Variants in ASTN2 observed in about 807,000 individuals in gnomAD.
The protein encoded by ASTN2 is astrotactin-2.
In ASTN2, 54 loss-of-function variants were observed where a neutral mutation model predicts 139.8. The observed-to-expected ratio is 0.39, with a 90% CI of 0.31 to 0.48. The LOEUF is 0.48. Ranked by LOEUF, ASTN2 falls within the 20% of genes least tolerant of loss-of-function variation. ASTN2 has a pLI of 0.95. For synonymous variants in ASTN2, 756 were observed against 719.5 expected (o/e 1.05, Z -0.81); for missense variants, 1,565 against 1,725.1 (o/e 0.91, Z 1.64).
At chr9:116,877,043 T>A (rs935000010) in intron 10 of ASTN2, among the ~76,000 whole-genome samples, 2 of 152,214 alleles carry the variant, frequency 1.3e-5, no homozygotes, top group Non-Finnish European at 2.9e-5. Flanking sequence ...TTTCTGGTCA[T>A]AAATTGTAAA....
rs538195550 is a variant in ASTN2 at position 117,247,335 on chromosome 9, C to T, written c.631-32593G>A. 4.1e-4 allele frequency among the ~76,000 whole-genome samples: 63 copies of T among 152,290 alleles called. 2 individuals carry two copies. The South Asian group carries it at 0.012, about 28-fold the overall frequency. On this transcript the variant is annotated intron_variant, in intron 2 of 22. Transcript: ENST00000313400. ...AATACCATTTGTCACCCAGGCTGCC[C>T]TCCTGGCAGTAGAACAGAAACCTGT... is the stretch of plus-strand genomic sequence containing the variant.
chr9:117,068,604 T>C (rs2132702772), intron 5 of ASTN2, among the ~76,000 whole-genome samples: 1 of 108,194 alleles, frequency 9.2e-6, no homozygotes, highest in African/African-American at 3.7e-5. Flanking sequence ...TCCTTGTACC[T>C]CTGGTAGAAT....
intron 10 of ASTN2, among the ~76,000 whole-genome samples, chr9:116,952,728 G>C (rs550052475): frequency 6.6e-6 from 1 of 152,188 alleles, no homozygotes. Context: ...CAGGAGCCCA[G>C]GGCCGCTGAT....
intron 1 of ASTN2, among the ~76,000 whole-genome samples, chr9:117,409,172 GAATCTTTCTCTCACACATAA>G (rs1430650175): frequency 4.6e-5 from 7 of 152,008 alleles, no homozygotes; most frequent in Non-Finnish European, 1.0e-4. Flanking sequence ...CTCCATCCCA[GAATCTTTCTCTCACACATAA>G]GAAAAAAAAG....
At chr9:117,066,654 A>G (rs1387877120) in intron 5 of ASTN2, among the ~76,000 whole-genome samples, 1 of 151,762 alleles carries the variant, frequency 6.6e-6, no homozygotes, top group Non-Finnish European at 1.5e-5. Flanking sequence ...AAGTGTTCCT[A>G]TTTCTCCACA....
At chr9:117,188,401 G>T (rs1831262484) in intron 3 of ASTN2, among the ~76,000 whole-genome samples, 1 of 152,192 alleles carries the variant, frequency 6.6e-6, no homozygotes, top group Admixed American at 6.5e-5. Flanking sequence ...ACTGGAAGGT[G>T]TCATGTAGTT....
intron 3 of ASTN2, among the ~76,000 whole-genome samples, chr9:117,208,580 AAAT>A (rs1409479397): frequency 6.6e-6 from 1 of 152,202 alleles, no homozygotes; most frequent in Admixed American, 6.5e-5. Flanking sequence ...ATATTTAATG[AAAT>A]AATAGCAAAA....
chr9:116,743,098 T>A (rs1156649782), intron 13 of ASTN2, among the ~76,000 whole-genome samples: 3 of 152,184 alleles, frequency 2.0e-5, no homozygotes, highest in South Asian at 2.1e-4. Context: ...ACCTCTGCCT[T>A]CTCTGAGGCC....
intron 10 of ASTN2, among the ~76,000 whole-genome samples, chr9:116,933,943 G>A (rs1026657667): frequency 7.0e-6 from 1 of 143,050 alleles, no homozygotes; most frequent in South Asian, 2.2e-4. Flanking sequence ...GAATATGGTG[G>A]GGCCCTGGAG....
At chr9:116,655,681 C>T (rs1444084837) in intron 16 of ASTN2, among the ~76,000 whole-genome samples, 2 of 152,122 alleles carry the variant, frequency 1.3e-5, no homozygotes, top group Non-Finnish European at 2.9e-5. Flanking sequence ...CCTCATGCCA[C>T]TAACGTACAC....
At chr9:117,284,793 C>G (rs912141957) in intron 2 of ASTN2, among the ~76,000 whole-genome samples, 2 of 152,206 alleles carry the variant, frequency 1.3e-5, no homozygotes, top group Non-Finnish European at 2.9e-5. Context: ...ACAACAGCCC[C>G]TCTTTAGACA....
chr9:116,701,885 T>G (rs1014817004), intron 16 of ASTN2, among the ~76,000 whole-genome samples: 38 of 151,664 alleles, frequency 2.5e-4, no homozygotes, highest in Non-Finnish European at 4.9e-4. Context: ...TTTGGGTTTT[T>G]TTTTTTTTTT....
intron 2 of ASTN2, among the ~76,000 whole-genome samples, chr9:117,249,048 AT>A (rs1833465148): frequency 6.6e-6 from 1 of 152,064 alleles, no homozygotes; most frequent in South Asian, 2.1e-4. Flanking sequence ...TTTCTAATAA[AT>A]TTTTCAGTGA....
At chr9:116,932,597 CA>C (rs1031735070) in intron 10 of ASTN2, among the ~76,000 whole-genome samples, 14 of 152,198 alleles carry the variant, frequency 9.2e-5, no homozygotes, top group Non-Finnish European at 1.6e-4. Flanking sequence ...TGCCCTGGAA[CA>C]CCCCATGAGA....
At chr9:117,387,787 C>G (rs554842472) in intron 1 of ASTN2, among the ~76,000 whole-genome samples, 1 of 152,220 alleles carries the variant, frequency 6.6e-6, no homozygotes, top group African/African-American at 2.4e-5. Context: ...TTGTGGCATG[C>G]AGAGCAGGCC....
At chr9:116,665,358 C>T (rs1001766101) in intron 16 of ASTN2, among the ~76,000 whole-genome samples, 4 of 152,084 alleles carry the variant, frequency 2.6e-5, no homozygotes, top group African/African-American at 9.7e-5. Context: ...TTCAGCATTA[C>T]GGACAACTAA....
chr9:116,443,518 T>C (rs1019585118), intron 20 of ASTN2, among the ~76,000 whole-genome samples: 19 of 152,110 alleles, frequency 1.2e-4, no homozygotes, highest in Admixed American at 1.0e-3. Flanking sequence ...AGGTAAAACG[T>C]AGACCTGGTA....
intron 19 of ASTN2, among the ~76,000 whole-genome samples, chr9:116,564,580 A>G (rs1216547191): frequency 6.6e-6 from 1 of 152,220 alleles, no homozygotes; most frequent in Non-Finnish European, 1.5e-5. Context: ...TGTGCTGGCC[A>G]CATGATTAAT....
At chr9:116,505,846 T>C (rs988365418) in intron 19 of ASTN2, among the ~76,000 whole-genome samples, 1 of 152,144 alleles carries the variant, frequency 6.6e-6, no homozygotes, top group Non-Finnish European at 1.5e-5. Flanking sequence ...GGCTTTGCTA[T>C]TGCTACATCC....
Sources: gnomAD v4.1 joint callset for allele counts (sites outside exome capture counted in the v4.1 genomes callset) on GRCh38, gnomAD v4.1.1 for gene constraint, MANE v1.5 for transcripts, NCBI Gene and HGNC (gene_info 2026-07-23, HGNC 2026-07-21) for gene names.